FGGY: variants seen among roughly 807,000 people sequenced by gnomAD.
FGGY encodes the protein FGGY carbohydrate kinase domain containing.
Under a neutral mutation model 71.3 loss-of-function variants are expected in FGGY, and 72 were observed. That is an observed-to-expected ratio of 1.01 (90% CI 0.84 to 1.23). The LOEUF is 1.23. Ranked by LOEUF, FGGY falls within the 50% of genes most tolerant of loss-of-function variation. FGGY has a pLI of 0.00. For synonymous variants in FGGY, 251 were observed against 250.3 expected (o/e 1.00, Z -0.02); for missense variants, 668 against 682.3 (o/e 0.98, Z 0.23).
rs145056645 is a variant in FGGY at position 59,421,246 on chromosome 1, G to A, written c.555-35715G>A. The stretch of plus-strand genomic sequence containing the variant: ...TTGAACCCTCATTCAAACAACAACT[G>A]TTAAGAAAAGTAAAACATAGGAGGC... On this transcript the variant is annotated intron_variant, in intron 5 of 15. Coordinates refer to ENST00000303721, the MANE Select transcript of FGGY (RefSeq NM_018291.5). Among the ~76,000 whole-genome samples, 63 of 152,224 alleles carry A rather than the reference G, an allele frequency of 4.1e-4. No individual in the cohort carries two copies. The East Asian group carries it at 0.012, about 28-fold the overall frequency.
At position 59,643,589 on chromosome 1, in the gene FGGY, G is replaced by A. The variant is rs60473424; in HGVS notation, c.1221+5214G>A. Among the ~76,000 whole-genome samples, 540 of 152,202 alleles carry A rather than the reference G, an allele frequency of 3.5e-3. 4 individuals carry two copies. Among genetic ancestry groups the A allele is most frequent in the African/African-American group, 0.012 (516 of 41,532 alleles). On this transcript the variant is annotated intron_variant, in intron 11 of 15. Coordinates refer to ENST00000303721, the MANE Select transcript of FGGY (RefSeq NM_018291.5). ...TGAAAGGACAATGGAATGAGAAAAAGGGGGAAATGGCAAAGACCACAAGAC... is the reference window on the plus strand; with the variant it reads ...TGAAAGGACAATGGAATGAGAAAAAAGGGGAAATGGCAAAGACCACAAGAC...
At chr1:59,628,967 A>G (rs1179183708) in intron 10 of FGGY, among the ~76,000 whole-genome samples, 2 of 152,310 alleles carry the variant, frequency 1.3e-5, no homozygotes. Flanking sequence ...TGGGTGATAC[A>G]GAGTGATGAT....
rs778061368 is a variant in FGGY, at chr1:59,527,097, A to G, written c.799+14658A>G. 8.9e-4 allele frequency among the ~76,000 whole-genome samples: 135 copies of G among 152,342 alleles called. 2 individuals carry two copies. In the Middle Eastern group the frequency reaches 0.037, roughly 42 times the overall value. ...CTTTCTCAGCACTGATTTTGATGTG[A>G]AAAATATCTGGAATATTCTTCGTTA... On this transcript the variant is annotated intron_variant, in intron 7 of 15. Coordinates refer to ENST00000303721, the MANE Select transcript of FGGY (RefSeq NM_018291.5).
rs775568452 is a variant in FGGY at position 59,340,046 on chromosome 1, A to G, written c.290A>G (p.His97Arg). Residue 97 changes from histidine (H) to arginine (R), a missense_variant, in exon 3 of 16, where the codon CAC becomes CGC. His to Arg is a conservative substitution (Grantham distance 29). This residue lies in a region of FGGY where 661 missense variants were observed against 661.6 expected (regional missense o/e 1.00). Transcript: ENST00000303721. ...CTGGTTGTTTTGGATAAGCAGTTTCACCCATTACCAGTCAACCAGGAAGGT... is the reference window on the plus strand; with the variant it reads ...CTGGTTGTTTTGGATAAGCAGTTTCGCCCATTACCAGTCAACCAGGAAGGT... ...CSLVVLDKQF[H>R]PLPVNQEGDS... 5 of 1,612,230 alleles carry G rather than the reference A, an allele frequency of 3.1e-6. No homozygotes were observed. Among genetic ancestry groups the G allele is most frequent in the Non-Finnish European group, 8.5e-7 (1 of 1,179,148 alleles).
At chr1:59,485,151 C>G (rs752976332) in intron 6 of FGGY, among the ~76,000 whole-genome samples, 2 of 152,204 alleles carry the variant, frequency 1.3e-5, no homozygotes, top group Non-Finnish European at 2.9e-5. Flanking sequence ...AACTTTCTCA[C>G]TAGCTAGTGG....
rs552875455 is a variant in FGGY, at chr1:59,601,537, C to T, written c.904-6266C>T. On this transcript the variant is annotated intron_variant, in intron 8 of 15. Transcript: ENST00000303721. The stretch of plus-strand genomic sequence containing the variant: ...TATGATCCTGGGCAATTTGCTTACC[C>T]TCTTCATGCCTGTGTCTTCAGCTAT... Among the ~76,000 whole-genome samples the T allele has an allele frequency of 2.6e-5, 4 of 152,294 alleles. No individual in the cohort carries two copies. The East Asian group carries it at 7.7e-4, about 29-fold the overall frequency.
At chr1:59,609,927 G>A (rs1397498841) in intron 9 of FGGY, among the ~76,000 whole-genome samples, 4 of 152,210 alleles carry the variant, frequency 2.6e-5, no homozygotes, top group African/African-American at 9.7e-5. Flanking sequence ...GAATCCCTGA[G>A]TATGAAATAA....
At chr1:59,497,199 C>A (rs990686707) in intron 6 of FGGY, among the ~76,000 whole-genome samples, 1 of 152,148 alleles carries the variant, frequency 6.6e-6, no homozygotes, top group African/African-American at 2.4e-5. Context: ...ACATCATCAT[C>A]CTTGGAAAAT....
chr1:59,655,993 T>C (rs1313404888), intron 11 of FGGY, among the ~76,000 whole-genome samples: 1 of 152,222 alleles, frequency 6.6e-6, no homozygotes, highest in Non-Finnish European at 1.5e-5. Flanking sequence ...ACATAAGTGC[T>C]TTATATTCAT....
intron 14 of FGGY, among the ~76,000 whole-genome samples, chr1:59,739,246 A>G (rs1481336319): frequency 6.6e-6 from 1 of 152,216 alleles, no homozygotes; most frequent in African/African-American, 2.4e-5. Flanking sequence ...TTCAGCTTCA[A>G]CTAAAAGCTG....
At chr1:59,399,345 C>T (rs2061674453) in intron 5 of FGGY, among the ~76,000 whole-genome samples, 1 of 152,082 alleles carries the variant, frequency 6.6e-6, no homozygotes, top group African/African-American at 2.4e-5. Flanking sequence ...ATATGTCAGG[C>T]ATTATATTAG....
intron 8 of FGGY, among the ~76,000 whole-genome samples, chr1:59,606,128 T>C (rs370578499): frequency 7.9e-5 from 12 of 152,184 alleles, no homozygotes; most frequent in African/African-American, 2.9e-4. Context: ...ACTGCTATGG[T>C]CTGTTAAAAA....
At chr1:59,681,169 C>T (rs1024404330) in intron 14 of FGGY, among the ~76,000 whole-genome samples, 1 of 152,088 alleles carries the variant, frequency 6.6e-6, no homozygotes, top group African/African-American at 2.4e-5. Context: ...ATATAAAAAG[C>T]ACTTTAATTA....
At chr1:59,628,435 A>G (rs956413752) in intron 10 of FGGY, among the ~76,000 whole-genome samples, 17 of 152,196 alleles carry the variant, frequency 1.1e-4, no homozygotes, top group African/African-American at 4.1e-4. Flanking sequence ...ATTGGAGGAG[A>G]CTTAAGGAGG....
chr1:59,713,875 G>A (rs1161836597), intron 14 of FGGY, among the ~76,000 whole-genome samples: 1 of 152,148 alleles, frequency 6.6e-6, no homozygotes, highest in East Asian at 1.9e-4. Context: ...TATTTTCTAG[G>A]TATATCTTTG....
chr1:59,536,360 C>A (rs1231193412), intron 7 of FGGY, among the ~76,000 whole-genome samples: 2 of 152,134 alleles, frequency 1.3e-5, no homozygotes, highest in Non-Finnish European at 2.9e-5. Context: ...CAAAAAAAGT[C>A]CAGGACCAGA....
intron 6 of FGGY, among the ~76,000 whole-genome samples, chr1:59,508,058 C>T (rs1257237845): frequency 6.6e-6 from 1 of 152,148 alleles, no homozygotes; most frequent in African/African-American, 2.4e-5. Flanking sequence ...TGCTGTCATC[C>T]CTTTCCCCGG....
chr1:59,659,762 G>T lies in FGGY; in HGVS notation c.1222-457G>T, dbSNP rs564821601. 1.4e-4 allele frequency among the ~76,000 whole-genome samples: 21 copies of T among 152,230 alleles called. 1 individual carries two copies. Among genetic ancestry groups the T allele is most frequent in the Admixed American group, 1.4e-3 (21 of 15,282 alleles). On this transcript the variant is annotated intron_variant, in intron 11 of 15. Coordinates refer to ENST00000303721, the MANE Select transcript of FGGY (RefSeq NM_018291.5). ...CCTAGTAGGTATAATATTTGTAGGA[G>T]ACATATTATATTACCCTGGATTGGA...
rs1485907486 is a variant in FGGY at position 59,321,592 on chromosome 1, G to C, written c.43G>C (p.Val15Leu). 6.2e-7 allele frequency: 1 copy of C among 1,613,974 alleles called. No homozygotes were observed. Among genetic ancestry groups the C allele is most frequent in the Non-Finnish European group, 8.5e-7 (1 of 1,179,876 alleles). ...EQKPERYYVG[V>L]DVGTGSVRAA... ...GAAACCAGAGAGGTACTATGTGGGT[G>C]TGGACGTTGGAACAGGCAGTGTCCG... Residue 15 changes from valine to leucine, a missense_variant, in exon 2 of 16, where the codon GTG (valine) becomes CTG (leucine). Val to Leu is a conservative substitution (Grantham distance 32, BLOSUM62 1). Around this residue, in one of 2 missense-constraint regions of FGGY, gnomAD observed 7 missense variants for 20.7 expected, o/e 0.34. Transcript: ENST00000303721.
Sources: allele counts gnomAD v4.1 joint callset (sites outside exome capture counted in the v4.1 genomes callset), GRCh38; gene constraint gnomAD v4.1.1; regional missense constraint gnomAD v4.1.1; transcripts MANE v1.5; gene names NCBI Gene and HGNC (gene_info 2026-07-23, HGNC 2026-07-21).